The following HIVEP3 variants were observed in gnomAD, a reference collection of about 807,000 sequenced individuals.
HIVEP3 encodes transcription factor HIVEP3.
A neutral mutation model predicts 152.8 loss-of-function variants in HIVEP3; 49 were observed. The observed-to-expected ratio is 0.32, with a 90% CI of 0.26 to 0.41. The LOEUF (loss-of-function observed/expected upper bound fraction) is 0.41. Ranked by LOEUF, HIVEP3 falls within the 10% of genes least tolerant of loss-of-function variation. The pLI is 1.00. For synonymous variants in HIVEP3, 1,269 were observed against 1,289.0 expected, an observed-to-expected ratio of 0.98 and a Z score of 0.33; for missense variants, 2,790 against 3,103.3, an observed-to-expected ratio of 0.90 and a Z score of 2.40.
At chr1:41,670,648 A>T (rs1645861489) in intron 2 of HIVEP3, among the ~76,000 whole-genome samples, 1 of 152,230 alleles carries the variant, frequency 6.6e-6, no homozygotes, top group Non-Finnish European at 1.5e-5. Flanking sequence ...AGAACAGAGT[A>T]AGGGAACCAG....
At chr1:41,638,464 T>C (rs1402852894) in intron 2 of HIVEP3, among the ~76,000 whole-genome samples, 1 of 152,128 alleles carries the variant, frequency 6.6e-6, no homozygotes, top group Non-Finnish European at 1.5e-5. Flanking sequence ...AGATGGATGG[T>C]GGTGATGGGT....
At chr1:41,753,590 C>T (rs888908621) in intron 1 of HIVEP3, among the ~76,000 whole-genome samples, 3 of 151,956 alleles carry the variant, frequency 2.0e-5, no homozygotes, top group Non-Finnish European at 4.4e-5. Flanking sequence ...ATCACTTGAA[C>T]TCGGGAGGCG....
chr1:41,869,856 G>T (rs1187700035), intron 1 of HIVEP3, among the ~76,000 whole-genome samples: 1 of 152,078 alleles, frequency 6.6e-6, no homozygotes, highest in African/African-American at 2.4e-5. Flanking sequence ...TAGAACAAAA[G>T]CCTTCTCCCA....
At chr1:41,811,189 CTGGGTGTGACCCAGGAGATCT>C (rs1650938610) in intron 1 of HIVEP3, among the ~76,000 whole-genome samples, 2 of 151,602 alleles carry the variant, frequency 1.3e-5, no homozygotes, top group African/African-American at 4.9e-5. Context: ...GAATAGTCTC[CTGGGTGTGACCCAGGAGATCT>C]TCCATCTCTT....
chr1:41,695,578 T>C (rs1285137158), intron 2 of HIVEP3, among the ~76,000 whole-genome samples: 1 of 152,122 alleles, frequency 6.6e-6, no homozygotes, highest in African/African-American at 2.4e-5. Context: ...CCCCCAACCC[T>C]GCCCAAGAGC....
intron 1 of HIVEP3, among the ~76,000 whole-genome samples, chr1:41,710,324 A>C (rs1646493989): frequency 6.6e-6 from 1 of 152,198 alleles, no homozygotes; most frequent in Non-Finnish European, 1.5e-5. Context: ...AAACAGAAGC[A>C]CAGAGAAGAG....
intron 1 of HIVEP3, among the ~76,000 whole-genome samples, chr1:41,894,020 A>C (rs1644491889): frequency 6.6e-6 from 1 of 151,772 alleles, no homozygotes; most frequent in Admixed American, 6.6e-5. Flanking sequence ...TACTGGGTTC[A>C]AGTGATTCTC....
At chr1:41,904,555 G>C (rs1022006149) in intron 1 of HIVEP3, among the ~76,000 whole-genome samples, 4 of 152,134 alleles carry the variant, frequency 2.6e-5, no homozygotes, top group Non-Finnish European at 4.4e-5. Flanking sequence ...CACAGAGTGC[G>C]CCGTAAAAGG....
upstream of HIVEP3, among the ~76,000 whole-genome samples, chr1:41,918,963 C>G (rs532707758): frequency 6.6e-6 from 1 of 152,308 alleles, no homozygotes; most frequent in African/African-American, 2.4e-5. The surrounding 1 kb of genome is among the most constrained non-coding windows in gnomAD (Gnocchi z 4.3). Context: ...ACACAGTACA[C>G]CAATTATCAC....
At chr1:41,539,062 T>C (rs1416191478) in intron 5 of HIVEP3, among the ~76,000 whole-genome samples, 1 of 152,222 alleles carries the variant, frequency 6.6e-6, no homozygotes, top group African/African-American at 2.4e-5. Flanking sequence ...GTTATGTGAA[T>C]GTAAAAACAA....
rs531505968 is a variant in HIVEP3, at chr1:41,971,575, T to G, written n.120-53051A>C. On this transcript the variant is annotated intron_variant and non_coding_transcript_variant, in intron 1 of 3. Transcript: ENST00000489103. Reference sequence around the variant, plus strand: ...GTCTGATGACAGCTGGCTTGGGAGCTCCAGTCGCCCCAGACCCCACCTGGC... The same window carrying G: ...GTCTGATGACAGCTGGCTTGGGAGCGCCAGTCGCCCCAGACCCCACCTGGC... 1.2e-4 allele frequency among the ~76,000 whole-genome samples: 19 copies of G among 152,184 alleles called. No individual in the cohort carries two copies. The South Asian group carries it at 3.3e-3, about 27-fold the overall frequency.
At chr1:41,537,474 T>C (rs567384794) in intron 5 of HIVEP3, among the ~76,000 whole-genome samples, 3 of 152,288 alleles carry the variant, frequency 2.0e-5, no homozygotes, top group Admixed American at 2.0e-4. Context: ...CAGGGCCAGT[T>C]CCCAGAGGTC....
At chr1:41,590,683 T>A (rs1013526514) in intron 3 of HIVEP3, among the ~76,000 whole-genome samples, 1 of 152,218 alleles carries the variant, frequency 6.6e-6, no homozygotes, top group African/African-American at 2.4e-5. Context: ...TGGAGTGTGA[T>A]GTTGGTGTCT....
intron 1 of HIVEP3, among the ~76,000 whole-genome samples, chr1:41,908,583 A>G (rs1462609331): frequency 1.3e-5 from 2 of 152,230 alleles, no homozygotes; most frequent in African/African-American, 4.8e-5. Context: ...CATGGTTTCA[A>G]GTGTTAAGGT....
At chr1:41,976,116 G>A (rs1022348517) in intron 1 of HIVEP3, among the ~76,000 whole-genome samples, 3 of 152,072 alleles carry the variant, frequency 2.0e-5, no homozygotes, top group Non-Finnish European at 4.4e-5. Context: ...TTAGAGCTAT[G>A]ACCCACTGAA....
chr1:41,735,927 A>C (rs1646910909), intron 1 of HIVEP3, among the ~76,000 whole-genome samples: 1 of 152,148 alleles, frequency 6.6e-6, no homozygotes, highest in Non-Finnish European at 1.5e-5. Context: ...AAGAAGGAAG[A>C]GGAGAGAAAA....
intron 1 of HIVEP3, among the ~76,000 whole-genome samples, chr1:41,760,229 T>C (rs1327242273): frequency 6.6e-6 from 1 of 152,216 alleles, no homozygotes; most frequent in East Asian, 1.9e-4. Context: ...CATAGGACTC[T>C]AGTGTTAAAA....
rs78793608 is a variant in HIVEP3, at chr1:41,513,492, G to A, written c.5729C>T (p.Thr1910Met). ...PQPPDAPASG[T>M]EATRGSSVSE... ...GACCGAGCTGCCTCGTGTAGCCTCC[G>A]TGCCAGAGGCGGGGGCATCTGGGGG... Residue 1910 changes from threonine (T) to methionine (M), a missense_variant, in exon 8 of 9, where the codon ACG (threonine) becomes ATG (methionine). Physicochemically the swap from Thr to Met is moderately conservative, Grantham distance 81 (BLOSUM62 -1). Transcript: ENST00000372583. 1,254 of 1,609,054 alleles carry A rather than the reference G, an allele frequency of 7.8e-4. 9 individuals are homozygous for A. In the African/African-American group the frequency reaches 0.014, roughly 18 times the overall value.
At chr1:41,908,605 T>A (rs1644750210) in intron 1 of HIVEP3, among the ~76,000 whole-genome samples, 1 of 152,210 alleles carries the variant, frequency 6.6e-6, no homozygotes, top group East Asian at 1.9e-4. Context: ...TATTGTGGTA[T>A]TAAAGAAAAC....
Sources: allele counts gnomAD v4.1 joint callset (sites outside exome capture counted in the v4.1 genomes callset), GRCh38; gene constraint gnomAD v4.1.1; non-coding constraint Gnocchi (gnomAD v3.1); transcripts MANE v1.5; gene names NCBI Gene and HGNC (gene_info 2026-07-23, HGNC 2026-07-21).